Variants in DOCK7 observed in about 807,000 individuals in gnomAD.
The protein encoded by DOCK7 is dedicator of cytokinesis protein 7.
DOCK7 carries 138 observed loss-of-function variants against 271.0 expected under a neutral mutation model. The ratio of observed to expected loss-of-function variants is 0.51; its 90% CI spans 0.44 to 0.59. DOCK7 has a LOEUF of 0.59. DOCK7 is among the 20% of genes least tolerant of loss of function. DOCK7 has a pLI of 0.00. For missense variants in DOCK7, 2,066 were observed against 2,592.4 expected, an observed-to-expected ratio of 0.80 and a Z score of 4.41; for synonymous variants, 823 against 876.1, an observed-to-expected ratio of 0.94 and a Z score of 1.07.
chr1:62,663,223 C>T (rs1005714950), intron 1 of DOCK7, 93 bp from the exon 2 acceptor site: 1 of 981,610 alleles, frequency 1.0e-6, no homozygotes, highest in Non-Finnish European at 1.5e-6. Flanking sequence ...ATTAAAGATT[C>T]ATTTAAAGAA....
chr1:62,685,240 A>C (rs1243121329), intron 1 of DOCK7, among the ~76,000 whole-genome samples: 2 of 152,190 alleles, frequency 1.3e-5, no homozygotes, highest in African/African-American at 2.4e-5. Flanking sequence ...AAAACGAGGC[A>C]GAAGTGTGGT....
intron 37 of DOCK7, among the ~76,000 whole-genome samples, chr1:62,499,808 G>A (rs1349254194): frequency 6.6e-6 from 1 of 152,032 alleles, no homozygotes; most frequent in African/African-American, 2.4e-5. Flanking sequence ...TAGCCCAGGA[G>A]TTTTGAGGCT....
intron 48 of DOCK7, among the ~76,000 whole-genome samples, chr1:62,464,645 GCACTC>G (rs1645624476): frequency 6.6e-6 from 1 of 151,894 alleles, no homozygotes; most frequent in Admixed American, 6.6e-5. Flanking sequence ...TCGCGCCACT[GCACTC>G]CAGCCTGGGT....
chr1:62,628,706 A>G (rs1013861060), intron 11 of DOCK7: 4 of 152,168 alleles, frequency 2.6e-5, no homozygotes, highest in African/African-American at 4.8e-5. Flanking sequence ...AACTTCCTCA[A>G]AATTTAAAAC....
intron 29 of DOCK7, among the ~76,000 whole-genome samples, chr1:62,531,708 C>CA (rs1645179400): frequency 6.6e-6 from 1 of 152,174 alleles, no homozygotes; most frequent in Non-Finnish European, 1.5e-5. Context: ...GATTAAAAGA[C>CA]AAACATTCCT....
At chr1:62,581,094 C>A (rs1319554933) in intron 16 of DOCK7, among the ~76,000 whole-genome samples, 1 of 152,020 alleles carries the variant, frequency 6.6e-6, no homozygotes, top group Non-Finnish European at 1.5e-5. Context: ...TTTGCCGACC[C>A]CTGGTATACA....
chr1:62,511,654 G>A (rs561151612), intron 33 of DOCK7, among the ~76,000 whole-genome samples: 151 of 151,930 alleles, frequency 9.9e-4, no homozygotes, highest in African/African-American at 3.1e-3. Context: ...GTACAATAAA[G>A]GACATGGCTC....
chr1:62,514,021 A>C, intron 31 of DOCK7, 123 bp from the exon 32 acceptor site: 1 of 826,024 alleles, frequency 1.2e-6, no homozygotes. Context: ...TATAATTAAA[A>C]ACCATTTGAT....
intron 1 of DOCK7, among the ~76,000 whole-genome samples, chr1:62,665,664 C>T (rs1185110131): frequency 7.1e-6 from 1 of 140,024 alleles, no homozygotes; most frequent in African/African-American, 2.7e-5. Flanking sequence ...CACGTCAAGC[C>T]GAGATTGCGC....
chr1:62,659,731 A>G (rs1658447664), intron 2 of DOCK7, among the ~76,000 whole-genome samples: 1 of 152,184 alleles, frequency 6.6e-6, no homozygotes, highest in East Asian at 1.9e-4. Flanking sequence ...GGCGACAATT[A>G]TTCAAAAGAA....
rs1218432289 is a variant in DOCK7 at position 62,513,461 on chromosome 1, G to T, written c.4265C>A (p.Thr1422Lys). Residue 1422 changes from threonine (T) to lysine (K), a missense_variant, in exon 33 of 50, where the codon ACA (threonine) becomes AAA (lysine). Coordinates refer to ENST00000635253, the MANE Select transcript of DOCK7 (RefSeq NM_001367561.1). ...ATTCTCACCAGGAGGAGAAGCTATT[G>T]TGTACGTACCGAGCTGTCCTCGGCT... Reference protein sequence around the residue: ...RRSRGQLGTYTIASPPERSPS... With the variant: ...RRSRGQLGTYKIASPPERSPS... 9.3e-6 allele frequency: 15 copies of T among 1,606,642 alleles called. No homozygotes were observed. The Admixed American group carries it at 1.2e-4, about 13-fold the overall frequency.
At chr1:62,490,765 CAG>C (rs1023430329) in intron 41 of DOCK7, among the ~76,000 whole-genome samples, 4 of 152,140 alleles carry the variant, frequency 2.6e-5, no homozygotes, top group African/African-American at 4.8e-5. Flanking sequence ...TACAAACACA[CAG>C]AGTTATGTTA....
intron 16 of DOCK7, among the ~76,000 whole-genome samples, chr1:62,582,573 A>C (rs1479202146): frequency 1.3e-5 from 2 of 148,400 alleles, no homozygotes; most frequent in East Asian, 3.9e-4. Flanking sequence ...AAAAAAAAAA[A>C]AAAAAAGATT....
chr1:62,633,512 C>T lies in DOCK7; in HGVS notation c.1102G>A (p.Ala368Thr), dbSNP rs750733539. Residue 368 changes from alanine (A) to threonine (T), a missense_variant, in exon 10 of 50, where the codon GCA (alanine) becomes ACA (threonine). This residue lies in a region of DOCK7 where 1,414 missense variants were observed against 1,670.4 expected (regional missense o/e 0.85). Transcript: ENST00000635253. ...TAACATTCTACCTTGGTGGCATCTG[C>T]TTCTTTGAAAATCATATATGGTTCT... ...CAEPYMIFKE[A>T]DATKNKEKLE... 6.2e-6 allele frequency: 10 copies of T among 1,611,890 alleles called. No individual in the cohort carries two copies. The African/African-American group carries it at 1.3e-4, about 22-fold the overall frequency.
intron 18 of DOCK7, among the ~76,000 whole-genome samples, chr1:62,562,195 T>C (rs1341044134): frequency 6.7e-6 from 1 of 149,600 alleles, no homozygotes; most frequent in East Asian, 2.0e-4. Context: ...TCTTAAAATA[T>C]TTGCAAGCAA....
At chr1:62,571,273 T>G (rs1557737430) in intron 18 of DOCK7, among the ~76,000 whole-genome samples, 2 of 152,142 alleles carry the variant, frequency 1.3e-5, no homozygotes, top group Non-Finnish European at 1.5e-5. Context: ...AAAGAAGACA[T>G]TCATGTGGCC....
At chr1:62,474,476 T>G (rs948780710) in intron 47 of DOCK7, among the ~76,000 whole-genome samples, 39 of 152,350 alleles carry the variant, frequency 2.6e-4, no homozygotes, top group African/African-American at 8.2e-4. Flanking sequence ...GTTCCCTCAG[T>G]ATTCCAAAGG....
At chr1:62,635,079 TTAA>T (rs1420734395) in intron 8 of DOCK7, 157 bp from the exon 9 acceptor site, 6 of 435,054 alleles carry the variant, frequency 1.4e-5, no homozygotes, top group African/African-American at 1.0e-4. Flanking sequence ...ACATTTAATC[TTAA>T]TAAATTAAAT....
In DOCK7 at chr1:62,539,842, T is replaced by C. The variant is rs776201557; in HGVS notation, c.3096A>G (p.Pro1032=). Residue 1032 remains proline, a synonymous_variant, in exon 26 of 50, where the codon CCA becomes CCG. Transcript: ENST00000635253. ...AACGTTCTGGAAAACGACTTTTCCTTGGAGCCTCAAGTTTATCATTAAAGT... is the reference window on the plus strand; with the variant it reads ...AACGTTCTGGAAAACGACTTTTCCTCGGAGCCTCAAGTTTATCATTAAAGT... ...HLYFNDKLEA[P]RKSRFPERFM... 3 of 1,613,610 alleles carry C rather than the reference T, an allele frequency of 1.9e-6. No individual in the cohort carries two copies. Among genetic ancestry groups the C allele is most frequent in the South Asian group, 2.2e-5 (2 of 91,010 alleles).
Sources: allele counts gnomAD v4.1 joint callset (sites outside exome capture counted in the v4.1 genomes callset), GRCh38; gene constraint gnomAD v4.1.1; regional missense constraint gnomAD v4.1.1; transcripts MANE v1.5; gene names NCBI Gene and HGNC (gene_info 2026-07-23, HGNC 2026-07-21).